The following CA10 variants were observed in gnomAD, a reference collection of about 807,000 sequenced individuals.
The protein encoded by CA10 is carbonic anhydrase 10 (inactive).
In CA10, 14 loss-of-function variants were observed where a neutral mutation model predicts 44.2. That is an observed-to-expected ratio of 0.32 (90% CI 0.21 to 0.50). The LOEUF (loss-of-function observed/expected upper bound fraction) is 0.50. Ranked by LOEUF, CA10 falls within the 20% of genes least tolerant of loss-of-function variation. The pLI is 0.99. For synonymous variants in CA10, 159 were observed against 141.6 expected (o/e 1.12, Z -0.87); for missense variants, 350 against 409.7 (o/e 0.85, Z 1.26).
At chr17:51,645,993 A>C (rs1913318040) in intron 6 of CA10, among the ~76,000 whole-genome samples, 2 of 152,152 alleles carry the variant, frequency 1.3e-5, no homozygotes, top group Admixed American at 1.3e-4. Context: ...CCTGGATATC[A>C]TCTTGATCCT....
At chr17:52,105,974 C>T (rs1358632880) in intron 1 of CA10, among the ~76,000 whole-genome samples, 1 of 152,142 alleles carries the variant, frequency 6.6e-6, no homozygotes, top group African/African-American at 2.4e-5. Flanking sequence ...GTTATAATTG[C>T]ACATAATAGT....
chr17:51,746,287 A>G (rs946265246), intron 4 of CA10, among the ~76,000 whole-genome samples: 1 of 152,228 alleles, frequency 6.6e-6, no homozygotes, highest in Non-Finnish European at 1.5e-5. Context: ...TTTATCAATC[A>G]TTGAGTACTT....
intron 3 of CA10, chr17:51,761,755 T>C (rs1905221928): frequency 6.6e-6 from 1 of 152,208 alleles, no homozygotes; most frequent in Non-Finnish European, 1.5e-5. Flanking sequence ...GTAATGAACA[T>C]TTGCTGTGCC....
intron 1 of CA10, among the ~76,000 whole-genome samples, chr17:52,116,110 C>T (rs1050117659): frequency 1.3e-5 from 2 of 151,212 alleles, no homozygotes; most frequent in African/African-American, 4.9e-5. Context: ...AAAAAAGTTT[C>T]TCTCCCTGTT....
At chr17:51,996,105 G>A (rs936359711) in intron 2 of CA10, among the ~76,000 whole-genome samples, 1 of 151,954 alleles carries the variant, frequency 6.6e-6, no homozygotes. Flanking sequence ...AATAAATAAA[G>A]CATTTTTGTC....
At chr17:52,000,883 C>G (rs1034628115) in intron 2 of CA10, among the ~76,000 whole-genome samples, 4 of 139,896 alleles carry the variant, frequency 2.9e-5, no homozygotes, top group Non-Finnish European at 4.5e-5. Context: ...ATTAAAATCT[C>G]GACTACAGAT....
chr17:52,003,245 C>G (rs976881584), intron 2 of CA10, among the ~76,000 whole-genome samples: 11 of 151,914 alleles, frequency 7.2e-5, no homozygotes, highest in African/African-American at 2.7e-4. Flanking sequence ...TGAGCATCAG[C>G]TCCTCCTGGA....
At chr17:51,664,147 G>C (rs1401721191) in intron 4 of CA10, among the ~76,000 whole-genome samples, 1 of 152,076 alleles carries the variant, frequency 6.6e-6, no homozygotes, top group Non-Finnish European at 1.5e-5. Context: ...TTATTGTAGA[G>C]ATTTAATGTT....
intron 2 of CA10, among the ~76,000 whole-genome samples, chr17:52,013,035 G>T (rs1282790164): frequency 2.6e-5 from 4 of 151,916 alleles, no homozygotes; most frequent in Non-Finnish European, 5.9e-5. Context: ...CTTAAATCCT[G>T]CAATGAGTAT....
chr17:52,029,309 T>C (rs1194477726), intron 2 of CA10, among the ~76,000 whole-genome samples: 1 of 152,112 alleles, frequency 6.6e-6, no homozygotes, highest in Non-Finnish European at 1.5e-5. Flanking sequence ...ATTTAAGTTT[T>C]CAAGAGATGG....
At chr17:51,800,805 A>C (rs764013233) in intron 3 of CA10, among the ~76,000 whole-genome samples, 1 of 152,230 alleles carries the variant, frequency 6.6e-6, no homozygotes, top group Non-Finnish European at 1.5e-5. Context: ...AACTGAGTAG[A>C]TCTTTCTGTC....
At chr17:51,909,247 A>C (rs916003297) in intron 3 of CA10, among the ~76,000 whole-genome samples, 3 of 152,158 alleles carry the variant, frequency 2.0e-5, no homozygotes, top group Admixed American at 2.0e-4. Flanking sequence ...AGCAATACCA[A>C]AGATGACTGG....
intron 2 of CA10, among the ~76,000 whole-genome samples, chr17:51,978,711 C>G (rs1346836008): frequency 6.6e-6 from 1 of 151,862 alleles, no homozygotes; most frequent in Non-Finnish European, 1.5e-5. Context: ...GAAAAATCTT[C>G]TCCTCATTAA....
intron 2 of CA10, among the ~76,000 whole-genome samples, chr17:52,032,549 C>T (rs950524142): frequency 6.6e-6 from 1 of 152,100 alleles, no homozygotes; most frequent in Admixed American, 6.6e-5. Flanking sequence ...GCCGGTTGCT[C>T]ATAAGAAAAT....
At chr17:51,919,410 G>A (rs561407349) in intron 3 of CA10, among the ~76,000 whole-genome samples, 10 of 152,176 alleles carry the variant, frequency 6.6e-5, no homozygotes, top group Admixed American at 1.3e-4. Context: ...TGTTTCTGCC[G>A]CTGTCCAGGA....
At chr17:51,893,300 G>C (rs1980939069) in intron 3 of CA10, among the ~76,000 whole-genome samples, 10 of 152,094 alleles carry the variant, frequency 6.6e-5, no homozygotes, top group Admixed American at 6.6e-4. Context: ...CCGAAGCCAG[G>C]GTTATAGTAA....
intron 2 of CA10, among the ~76,000 whole-genome samples, chr17:51,936,528 A>C (rs1982872543): frequency 8.6e-6 from 1 of 116,032 alleles, no homozygotes; most frequent in Admixed American, 1.0e-4. Context: ...GTCTTGGCAG[A>C]GAAGAGCTGG....
chr17:51,787,092 T>C (rs914489498), intron 3 of CA10, among the ~76,000 whole-genome samples: 1 of 152,208 alleles, frequency 6.6e-6, no homozygotes, highest in Non-Finnish European at 1.5e-5. Context: ...TTGTTGAGGA[T>C]TTTTGCATCA....
chr17:51,958,321 A>G lies in CA10; in HGVS notation c.137-27189T>C, dbSNP rs372523250. 1.3e-4 allele frequency among the ~76,000 whole-genome samples: 20 copies of G among 151,714 alleles called. No homozygotes were observed. The East Asian group carries it at 2.5e-3, about 19-fold the overall frequency. On this transcript the variant is annotated intron_variant, in intron 2 of 8. Coordinates refer to ENST00000451037, the MANE Select transcript of CA10 (RefSeq NM_020178.5). The stretch of plus-strand genomic sequence containing the variant: ...GGCTCTACCAAGAGATCTTAGGTTC[A>G]ATTCCCTGGGCAAGCAAGCAAATTG...
Sources: allele counts gnomAD v4.1 joint callset (sites outside exome capture counted in the v4.1 genomes callset), GRCh38; gene constraint gnomAD v4.1.1; transcripts MANE v1.5; gene names NCBI Gene and HGNC (gene_info 2026-07-23, HGNC 2026-07-21).